The following UBE2E2 variants were observed in gnomAD, a reference collection of about 807,000 sequenced individuals.
UBE2E2 encodes ubiquitin-conjugating enzyme E2 E2.
In UBE2E2, 6 loss-of-function variants were observed where a neutral mutation model predicts 24.7. The ratio of observed to expected loss-of-function variants is 0.24; its 90% CI spans 0.13 to 0.48. The LOEUF is 0.48. Ranked by LOEUF, UBE2E2 falls within the 20% of genes least tolerant of loss-of-function variation. The probability of loss-of-function intolerance (pLI) is 0.99; values close to 1 mark genes in which losing one functional copy is unlikely to be tolerated. For synonymous variants in UBE2E2, 104 were observed against 83.6 expected (o/e 1.24, Z -1.33); for missense variants, 169 against 245.0 (o/e 0.69, Z 2.07).
At chr3:23,379,845 G>A (rs1696621817) in intron 3 of UBE2E2, among the ~76,000 whole-genome samples, 1 of 152,166 alleles carries the variant, frequency 6.6e-6, no homozygotes, top group East Asian at 1.9e-4. Flanking sequence ...AAGACCTAGG[G>A]CAGAAAGGAG....
intron 3 of UBE2E2, among the ~76,000 whole-genome samples, chr3:23,252,577 A>G (rs1697604502): frequency 6.6e-6 from 1 of 152,042 alleles, no homozygotes; most frequent in Non-Finnish European, 1.5e-5. Context: ...GCTCACTGCA[A>G]CCTCTGCCTC....
intron 3 of UBE2E2, among the ~76,000 whole-genome samples, chr3:23,430,199 TATCTC>T (rs930268076): frequency 4.6e-5 from 7 of 152,232 alleles, no homozygotes; most frequent in African/African-American, 1.4e-4. Flanking sequence ...GCTTGGATCT[TATCTC>T]TGCCACCTTC....
rs200894807 is a variant in UBE2E2 at position 23,352,481 on chromosome 3, C to T, written c.227+135169C>T. On this transcript the variant is annotated intron_variant, in intron 3 of 5. Transcript: ENST00000396703. ...GAAAGGATCAACAAAATTGTTAGACCGCTAGCAAGACTAATAAAGAAGAAA... is the reference window on the plus strand; with the variant it reads ...GAAAGGATCAACAAAATTGTTAGACTGCTAGCAAGACTAATAAAGAAGAAA... Among the ~76,000 whole-genome samples, 492 of 151,130 alleles carry T rather than the reference C, an allele frequency of 3.3e-3. 3 individuals are homozygous for T. The highest frequency in any genetic ancestry group is 0.016 in the East Asian group (81 of 5,132).
chr3:23,361,317 C>G (rs1274737872), intron 3 of UBE2E2, among the ~76,000 whole-genome samples: 1 of 152,128 alleles, frequency 6.6e-6, no homozygotes, highest in African/African-American at 2.4e-5. Flanking sequence ...TCCAGCAGTT[C>G]CATTACTGGG....
intron 3 of UBE2E2, among the ~76,000 whole-genome samples, chr3:23,346,227 T>C (rs111529885): frequency 2.7e-3 from 412 of 152,360 alleles, no homozygotes; most frequent in South Asian, 5.4e-3. Flanking sequence ...CATACAACAA[T>C]AGTGTTCTTT....
At chr3:23,451,453 G>T (rs925172492) in intron 3 of UBE2E2, among the ~76,000 whole-genome samples, 1 of 152,154 alleles carries the variant, frequency 6.6e-6, no homozygotes, top group South Asian at 2.1e-4. Context: ...TTTGAGCAGG[G>T]TTGCTGAGCT....
chr3:23,522,194 G>A (rs559540670), intron 4 of UBE2E2, among the ~76,000 whole-genome samples: 3 of 145,318 alleles, frequency 2.1e-5, no homozygotes, highest in South Asian at 2.2e-4. Flanking sequence ...GCAGTGGCAC[G>A]ATCTCAGCTC....
intron 3 of UBE2E2, among the ~76,000 whole-genome samples, chr3:23,475,849 T>G (rs2125438057): frequency 6.6e-6 from 1 of 152,100 alleles, no homozygotes; most frequent in South Asian, 2.1e-4. Context: ...TGTGCAGTAA[T>G]TTGTGCTGTA....
intron 3 of UBE2E2, among the ~76,000 whole-genome samples, chr3:23,312,904 A>G (rs1028138801): frequency 1.3e-5 from 2 of 152,172 alleles, no homozygotes; most frequent in African/African-American, 2.4e-5. Flanking sequence ...ATAGTTTTAA[A>G]AATTCCTCAT....
At chr3:23,270,455 A>G (rs1049952231) in intron 3 of UBE2E2, among the ~76,000 whole-genome samples, 2 of 152,102 alleles carry the variant, frequency 1.3e-5, no homozygotes, top group African/African-American at 4.8e-5. Context: ...CCTGGAACCA[A>G]GGCTTGGAGT....
rs141512859 is a variant in UBE2E2, at chr3:23,275,273, C to T, written c.227+57961C>T. 7.3e-4 allele frequency among the ~76,000 whole-genome samples: 111 copies of T among 152,246 alleles called. 1 individual carries two copies. The highest frequency in any genetic ancestry group is 2.4e-3 in the African/African-American group (99 of 41,536). ...AGAAATTATCTTTGTATAAACATCT[C>T]GGTAGCCTAGGTGGAGTAGCCAAGG... On this transcript the variant is annotated intron_variant, in intron 3 of 5. Transcript: ENST00000396703.
intron 3 of UBE2E2, among the ~76,000 whole-genome samples, chr3:23,307,095 G>C (rs1194411216): frequency 6.6e-6 from 1 of 152,184 alleles, no homozygotes; most frequent in African/African-American, 2.4e-5. Flanking sequence ...GAAATGTAAA[G>C]AGTATGCTAA....
intron 3 of UBE2E2, among the ~76,000 whole-genome samples, chr3:23,404,643 G>A (rs1273218419): frequency 6.6e-6 from 1 of 152,140 alleles, no homozygotes; most frequent in East Asian, 1.9e-4. Context: ...TTTGTTTATA[G>A]CAACACAAAG....
chr3:23,283,507 G>T (rs1698532696), intron 3 of UBE2E2, among the ~76,000 whole-genome samples: 1 of 152,128 alleles, frequency 6.6e-6, no homozygotes, highest in Non-Finnish European at 1.5e-5. Flanking sequence ...GGCCGAGGTG[G>T]GATCGCTTGA....
chr3:23,296,272 A>G (rs1013496047), intron 3 of UBE2E2, among the ~76,000 whole-genome samples: 1 of 152,192 alleles, frequency 6.6e-6, no homozygotes, highest in African/African-American at 2.4e-5. Flanking sequence ...TCCAGTCACA[A>G]AAAAATATTT....
chr3:23,362,438 T>C (rs890858387), intron 3 of UBE2E2, among the ~76,000 whole-genome samples: 2 of 152,134 alleles, frequency 1.3e-5, no homozygotes, highest in Non-Finnish European at 2.9e-5. Flanking sequence ...ATAGCACCAA[T>C]AGAACCTTCA....
At chr3:23,368,355 CA>C (rs1342058175) in intron 3 of UBE2E2, among the ~76,000 whole-genome samples, 9 of 152,082 alleles carry the variant, frequency 5.9e-5, no homozygotes, top group African/African-American at 2.2e-4. Flanking sequence ...CCCACAACCT[CA>C]AAAGATTGAT....
chr3:23,326,646 T>A (rs1209180056), intron 3 of UBE2E2, among the ~76,000 whole-genome samples: 1 of 152,234 alleles, frequency 6.6e-6, no homozygotes, highest in African/African-American at 2.4e-5. Context: ...TCCAGAAGTC[T>A]TTTAATGGCA....
chr3:23,547,241 G>T (rs765494005), intron 5 of UBE2E2, among the ~76,000 whole-genome samples: 1 of 152,158 alleles, frequency 6.6e-6, no homozygotes. Flanking sequence ...TTCTGTGTCT[G>T]TTGTCCAGCT....
Sources: gnomAD v4.1 joint callset for allele counts (sites outside exome capture counted in the v4.1 genomes callset) on GRCh38, gnomAD v4.1.1 for gene constraint, MANE v1.5 for transcripts, NCBI Gene and HGNC (gene_info 2026-07-23, HGNC 2026-07-21) for gene names.